Variants in KLHDC1 observed in about 807,000 individuals in gnomAD.
The protein encoded by KLHDC1 is kelch domain-containing protein 1.
KLHDC1 carries 53 observed loss-of-function variants against 68.3 expected under a neutral mutation model. The observed-to-expected ratio is 0.78, with a 90% CI of 0.62 to 0.98. The LOEUF (loss-of-function observed/expected upper bound fraction) is 0.98, where lower values mean the gene tolerates loss of function less well. Among genes scored for constraint, KLHDC1 ranks in the 50% least tolerant of loss-of-function variants. The pLI is 0.00. For missense variants in KLHDC1, 470 were observed against 492.3 expected, an observed-to-expected ratio of 0.95 and a Z score of 0.43; for synonymous variants, 148 against 159.0, an observed-to-expected ratio of 0.93 and a Z score of 0.52.
intron 1 of KLHDC1, chr14:49,700,007 T>C (rs1887855371): frequency 2.8e-6 from 1 of 356,262 alleles, no homozygotes; most frequent in Non-Finnish European, 5.4e-6. Context: ...GTAATACAAT[T>C]GATAATATGT....
At chr14:49,748,749 A>G (rs1403492368) in intron 12 of KLHDC1, among the ~76,000 whole-genome samples, 1 of 151,896 alleles carries the variant, frequency 6.6e-6, no homozygotes. Context: ...TAGTAAAATT[A>G]TAAAAATTGT....
intron 1 of KLHDC1, among the ~76,000 whole-genome samples, chr14:49,698,322 A>C (rs991066591): frequency 1.4e-5 from 2 of 143,302 alleles, no homozygotes; most frequent in African/African-American, 2.6e-5. Context: ...TCCTGCCTCA[A>C]CCTCCCTAGT....
chr14:49,747,237 A>G (rs1010999925), intron 12 of KLHDC1, among the ~76,000 whole-genome samples: 15 of 152,108 alleles, frequency 9.9e-5, no homozygotes, highest in South Asian at 2.1e-4. Context: ...GTGAGCCACC[A>G]CACCCAGCCT....
intron 6 of KLHDC1, among the ~76,000 whole-genome samples, chr14:49,728,013 C>T (rs1329799668): frequency 4.6e-5 from 7 of 152,144 alleles, no homozygotes; most frequent in Admixed American, 4.6e-4. Flanking sequence ...ATGATACTCA[C>T]TTTTTCCACC....
At chr14:49,694,566 A>T (rs1259841509) in intron 1 of KLHDC1, among the ~76,000 whole-genome samples, 4 of 152,176 alleles carry the variant, frequency 2.6e-5, no homozygotes, top group Non-Finnish European at 5.9e-5. Flanking sequence ...AAAAATGTAC[A>T]TACCTGGCTG....
chr14:49,745,614 A>G (rs1889182122), intron 12 of KLHDC1, among the ~76,000 whole-genome samples: 1 of 152,254 alleles, frequency 6.6e-6, no homozygotes. Context: ...TATGATTAAG[A>G]TGGCAAAGGT....
intron 12 of KLHDC1, among the ~76,000 whole-genome samples, chr14:49,746,934 A>G (rs1231234526): frequency 6.8e-6 from 1 of 147,942 alleles, no homozygotes; most frequent in Non-Finnish European, 1.5e-5. Context: ...CCACCCTTCC[A>G]GTTTTAGCTT....
At chr14:49,742,597 C>T (rs565987086) in intron 11 of KLHDC1, among the ~76,000 whole-genome samples, 4 of 150,508 alleles carry the variant, frequency 2.7e-5, no homozygotes, top group South Asian at 4.2e-4. Context: ...CACTTGAACC[C>T]GGGAGGCAGA....
chr14:49,729,045 C>T, intron 7 of KLHDC1, 36 bp downstream of exon 7: 2 of 1,334,032 alleles, frequency 1.5e-6, no homozygotes, highest in African/African-American at 2.9e-5. Flanking sequence ...TTTTTATGTG[C>T]AATGCTCCTT....
chr14:49,732,163 G>A lies in KLHDC1; in HGVS notation c.711-541G>A, dbSNP rs538101502. Reference sequence around the variant, plus strand: ...TGCTGAGTATGCATTGTGCATTAACGGAGAATTGACTTTTTTTTTTTTTCT... The same window carrying A: ...TGCTGAGTATGCATTGTGCATTAACAGAGAATTGACTTTTTTTTTTTTTCT... On this transcript the variant is annotated intron_variant, in intron 8 of 12. Transcript: ENST00000359332. Among the ~76,000 whole-genome samples, 8 of 151,792 alleles carry A rather than the reference G, an allele frequency of 5.3e-5. No individual in the cohort carries two copies. The South Asian group carries it at 1.5e-3, about 28-fold the overall frequency.
intron 1 of KLHDC1, among the ~76,000 whole-genome samples, chr14:49,706,130 C>T (rs1163254233): frequency 6.6e-6 from 1 of 152,106 alleles, no homozygotes; most frequent in Non-Finnish European, 1.5e-5. Flanking sequence ...CCACCCACTC[C>T]CACCTCCCAC....
At chr14:49,696,843 TA>T (rs71441252) in intron 1 of KLHDC1, among the ~76,000 whole-genome samples, 34,772 of 71,496 alleles carry the variant, frequency 0.49, 4,709 homozygotes, top group Non-Finnish European at 0.58. Context: ...TCACTAAGCT[TA>T]ATTTCTAGCT....
intron 4 of KLHDC1, among the ~76,000 whole-genome samples, chr14:49,712,502 C>CTTTT (rs776185436): frequency 7.5e-6 from 1 of 133,674 alleles, no homozygotes; most frequent in African/African-American, 2.7e-5. Context: ...CATAGATTTT[C>CTTTT]TTTTTTTTTT....
At chr14:49,719,993 T>TC (rs1192464174) in intron 4 of KLHDC1, among the ~76,000 whole-genome samples, 2 of 150,906 alleles carry the variant, frequency 1.3e-5, no homozygotes, top group African/African-American at 4.9e-5. Context: ...AGCTCATTTT[T>TC]TTTTTTTTTT....
At chr14:49,734,745 A>G (rs1469776307) in intron 10 of KLHDC1, 84 bp downstream of exon 10, 10 of 596,880 alleles carry the variant, frequency 1.7e-5, no homozygotes, top group Non-Finnish European at 2.5e-5. Context: ...AGTGTTTGCC[A>G]TTGAAACCAT....
intron 12 of KLHDC1, among the ~76,000 whole-genome samples, chr14:49,747,599 G>A (rs1482995658): frequency 6.6e-6 from 1 of 152,122 alleles, no homozygotes; most frequent in Non-Finnish European, 1.5e-5. Context: ...AACTTTTTTG[G>A]TTGGGGTGGG....
chr14:49,728,511 CAG>C (rs973206108), intron 6 of KLHDC1, among the ~76,000 whole-genome samples: 5 of 152,088 alleles, frequency 3.3e-5, no homozygotes, highest in African/African-American at 1.2e-4. Context: ...TTTAATTTTA[CAG>C]AGTTTCTGAG....
chr14:49,735,486 A>G (rs1888909695), intron 10 of KLHDC1, among the ~76,000 whole-genome samples: 1 of 152,130 alleles, frequency 6.6e-6, no homozygotes, highest in Non-Finnish European at 1.5e-5. Flanking sequence ...TTATTTTGGT[A>G]TATGTATCTA....
chr14:49,702,005 C>T (rs986374254), intron 1 of KLHDC1, among the ~76,000 whole-genome samples: 1 of 151,964 alleles, frequency 6.6e-6, no homozygotes, highest in African/African-American at 2.4e-5. Context: ...CTCGTCTCTA[C>T]TAAAAATACA....
Sources: allele counts gnomAD v4.1 joint callset (sites outside exome capture counted in the v4.1 genomes callset), GRCh38; gene constraint gnomAD v4.1.1; transcripts MANE v1.5; gene names NCBI Gene and HGNC (gene_info 2026-07-23, HGNC 2026-07-21).